Variants in MLLT3 observed in about 807,000 individuals in gnomAD.
The protein encoded by MLLT3 is protein AF-9.
Under a neutral mutation model 53.2 loss-of-function variants are expected in MLLT3, and 4 were observed. The observed-to-expected ratio is 0.08, with a 90% CI of 0.04 to 0.17. MLLT3 has a LOEUF of 0.17. MLLT3 is among the 10% of genes least tolerant of loss of function. MLLT3 has a pLI of 1.00. For missense variants in MLLT3, 569 were observed against 684.0 expected (o/e 0.83, Z 1.87); for synonymous variants, 283 against 230.6 (o/e 1.23, Z -2.06).
At chr9:20,382,132 C>T (rs750866124) in intron 5 of MLLT3, among the ~76,000 whole-genome samples, 3 of 151,606 alleles carry the variant, frequency 2.0e-5, no homozygotes, top group African/African-American at 7.3e-5. Flanking sequence ...CTATTTTTTT[C>T]TTAATTAGAT....
chr9:20,587,438 G>T (rs1226613433), intron 2 of MLLT3, among the ~76,000 whole-genome samples: 1 of 152,032 alleles, frequency 6.6e-6, no homozygotes, highest in Non-Finnish European at 1.5e-5. Flanking sequence ...GCATAAGAGA[G>T]CCAAAACTCA....
chr9:20,538,244 T>G (rs1330624659), intron 2 of MLLT3, among the ~76,000 whole-genome samples: 4 of 152,254 alleles, frequency 2.6e-5, no homozygotes, highest in Admixed American at 2.6e-4. Flanking sequence ...CCAAGCACTG[T>G]GTTTAATCCA....
At chr9:20,364,432 AATAG>A (rs1821399447) in intron 6 of MLLT3, among the ~76,000 whole-genome samples, 1 of 152,230 alleles carries the variant, frequency 6.6e-6, no homozygotes. Context: ...TGTGATGAAA[AATAG>A]ATAGTTTTAA....
At chr9:20,509,473 A>G (rs1825470311) in intron 2 of MLLT3, among the ~76,000 whole-genome samples, 1 of 152,198 alleles carries the variant, frequency 6.6e-6, no homozygotes, top group African/African-American at 2.4e-5. Flanking sequence ...TGAAACACCC[A>G]GGCATTGAGT....
intron 2 of MLLT3, among the ~76,000 whole-genome samples, chr9:20,529,709 A>G (rs1818281958): frequency 6.7e-6 from 1 of 148,746 alleles, no homozygotes; most frequent in Non-Finnish European, 1.5e-5. Context: ...ACTAGAAAAG[A>G]TGATTAATCC....
rs137999564 is a variant in MLLT3, at chr9:20,454,232, A to AGTGT, written c.276+2468_276+2471dup. On this transcript the variant is annotated intron_variant, in intron 3 of 10. Transcript: ENST00000380338. ...GTTCCATGAATTTCAAGAAGACTGA[A>AGTGT]GTGTGTGTGTGTGTGTGTGTGTGCA... is the stretch of plus-strand genomic sequence containing the variant. Among the ~76,000 whole-genome samples the AGTGT allele has an allele frequency of 3.4e-3, 512 of 149,406 alleles. 3 individuals are homozygous for AGTGT. Among genetic ancestry groups the AGTGT allele is most frequent in the African/African-American group, 0.011 (440 of 40,876 alleles).
At chr9:20,512,871 T>C (rs1034641962) in intron 2 of MLLT3, among the ~76,000 whole-genome samples, 21 of 152,202 alleles carry the variant, frequency 1.4e-4, no homozygotes, top group Non-Finnish European at 2.2e-4. Flanking sequence ...AACTCCTGTT[T>C]ATGGCATTGC....
chr9:20,575,339 T>C (rs909462517), intron 2 of MLLT3, among the ~76,000 whole-genome samples: 24 of 152,184 alleles, frequency 1.6e-4, no homozygotes, highest in African/African-American at 5.5e-4. Context: ...GCTATAGCCA[T>C]AGATAGCAGG....
intron 4 of MLLT3, among the ~76,000 whole-genome samples, chr9:20,422,651 T>C (rs1339502919): frequency 6.6e-6 from 1 of 152,126 alleles, no homozygotes; most frequent in Non-Finnish European, 1.5e-5. Context: ...CCCTCAGCCA[T>C]ACCTGACTAT....
At chr9:20,561,338 A>C (rs1185524563) in intron 2 of MLLT3, among the ~76,000 whole-genome samples, 1 of 152,074 alleles carries the variant, frequency 6.6e-6, no homozygotes, top group African/African-American at 2.4e-5. Flanking sequence ...CAAGATACTC[A>C]AACTCTTCAT....
intron 2 of MLLT3, among the ~76,000 whole-genome samples, chr9:20,539,427 C>A (rs903555739): frequency 1.3e-5 from 2 of 152,190 alleles, no homozygotes; most frequent in African/African-American, 4.8e-5. Flanking sequence ...TTAATTGACT[C>A]ACAGTTCCAT....
rs1216747678 is a variant in MLLT3, at chr9:20,600,391, G to A, written c.193+20263C>T. On this transcript the variant is annotated intron_variant, in intron 2 of 10. Transcript: ENST00000380338. ...GCCTGGCACATAGATGGTGCTCAAT[G>A]TTGGCTGAATAAGTAATCAATACTT... Among the ~76,000 whole-genome samples, 3 of 152,178 alleles carry A rather than the reference G, an allele frequency of 2.0e-5. No homozygotes were observed. In the East Asian group the frequency reaches 5.8e-4, roughly 29 times the overall value.
intron 2 of MLLT3, among the ~76,000 whole-genome samples, chr9:20,527,371 G>C (rs1489594589): frequency 6.6e-6 from 1 of 152,090 alleles, no homozygotes; most frequent in Non-Finnish European, 1.5e-5. Context: ...CTTTCCTAAG[G>C]TTCAAATCTT....
At chr9:20,610,840 T>C (rs1820683695) in intron 2 of MLLT3, among the ~76,000 whole-genome samples, 1 of 152,138 alleles carries the variant, frequency 6.6e-6, no homozygotes, top group Non-Finnish European at 1.5e-5. Flanking sequence ...TTTCTGTGCA[T>C]ACAGAGAAAA....
chr9:20,511,271 C>G (rs1825527565), intron 2 of MLLT3, among the ~76,000 whole-genome samples: 1 of 151,630 alleles, frequency 6.6e-6, no homozygotes, highest in Admixed American at 6.6e-5. Flanking sequence ...AAAAAAACTT[C>G]AAGAAAAAAA....
chr9:20,398,880 T>C (rs768313690), intron 5 of MLLT3, among the ~76,000 whole-genome samples: 11 of 152,136 alleles, frequency 7.2e-5, no homozygotes, highest in Non-Finnish European at 1.3e-4. Context: ...TTAATACCCT[T>C]CACGGTGAAA....
intron 6 of MLLT3, 96 bp downstream of exon 6, chr9:20,365,572 TC>T: frequency 7.5e-7 from 1 of 1,334,944 alleles, no homozygotes; most frequent in Non-Finnish European, 1.1e-6. Flanking sequence ...ATGGTCTTGA[TC>T]TCCTGACCTC....
chr9:20,460,117 T>A (rs1824072780), intron 2 of MLLT3, among the ~76,000 whole-genome samples: 1 of 152,224 alleles, frequency 6.6e-6, no homozygotes, highest in Non-Finnish European at 1.5e-5. Flanking sequence ...ATAAAGCAAT[T>A]CTTTTTTAAA....
At chr9:20,443,605 T>C (rs1411450903) in intron 4 of MLLT3, among the ~76,000 whole-genome samples, 1 of 152,220 alleles carries the variant, frequency 6.6e-6, no homozygotes, top group African/African-American at 2.4e-5. Flanking sequence ...ATGCGCTGGT[T>C]ACACTAACTT....
Sources: allele counts gnomAD v4.1 joint callset (sites outside exome capture counted in the v4.1 genomes callset), GRCh38; gene constraint gnomAD v4.1.1; transcripts MANE v1.5; gene names NCBI Gene and HGNC (gene_info 2026-07-23, HGNC 2026-07-21).